Variants in ADAM33 observed in about 807,000 individuals in gnomAD.
The protein encoded by ADAM33 is ADAM metallopeptidase domain 33.
In ADAM33, 103 loss-of-function variants were observed where a neutral mutation model predicts 106.2. The ratio of observed to expected loss-of-function variants is 0.97; its 90% CI spans 0.83 to 1.14. The LOEUF (loss-of-function observed/expected upper bound fraction) is 1.14, where lower values mean the gene tolerates loss of function less well. ADAM33 is among the 50% of genes most tolerant of loss of function. ADAM33 has a pLI of 0.00. For synonymous variants in ADAM33, 483 were observed against 453.0 expected, an observed-to-expected ratio of 1.07 and a Z score of -0.84; for missense variants, 1,120 against 1,096.6, an observed-to-expected ratio of 1.02 and a Z score of -0.30.
chr20:3,673,756 C>T lies in ADAM33; in HGVS notation c.894G>A (p.Ala298=), dbSNP rs1296295521. The T allele has an allele frequency of 6.6e-7, 1 of 1,519,322 alleles. No individual in the cohort carries two copies. Among genetic ancestry groups the T allele is most frequent in the South Asian group, 1.2e-5 (1 of 82,352 alleles). 94.1% of individuals were successfully genotyped at this position (1,519,322 alleles called of 1,614,324 possible). A position where few individuals can be genotyped will look rare whatever the true frequency, so the allele number is the denominator to read the frequency against. The change falls in exon 9 of 22, where the codon GCG becomes GCA. Residue 298 remains alanine, a synonymous_variant. Coordinates refer to ENST00000356518, the MANE Select transcript of ADAM33 (RefSeq NM_025220.5). ...GLWAQRPHDS[A]QLLTGRAFQG... is the part of the protein sequence containing the mutation. Reference sequence around the variant, plus strand: ...TCAGAGGCACCCACGTGAGCAGCTGCGCGGAGTCGTGGGGCCGCTGCGCCC... The same window carrying T: ...TCAGAGGCACCCACGTGAGCAGCTGTGCGGAGTCGTGGGGCCGCTGCGCCC...
At chr20:3,680,905 TG>T (rs1214766016) in intron 1 of ADAM33, among the ~76,000 whole-genome samples, 1 of 152,026 alleles carries the variant, frequency 6.6e-6, no homozygotes, top group Non-Finnish European at 1.5e-5. Context: ...ACCGGGTGAA[TG>T]GGGGTGGAAC....
Position 3,671,861 on chromosome 20 carries a change from C to T in ADAM33, c.1706+16G>A. On this transcript the variant is annotated intron_variant, in intron 15 of 21. Transcript: ENST00000356518. ...CTCCATAGCTTCTGCTCCCTCCACT[C>T]AGCTCCACTCCCTACCTCCCTGCAC... 1 of 1,551,800 alleles carries T rather than the reference C, an allele frequency of 6.4e-7. No individual in the cohort carries two copies. The highest frequency in any genetic ancestry group is 8.7e-7 in the Non-Finnish European group (1 of 1,147,084).
chr20:3,678,584 C>T (rs1442700582), intron 2 of ADAM33, among the ~76,000 whole-genome samples: 1 of 152,198 alleles, frequency 6.6e-6, no homozygotes, highest in African/African-American at 2.4e-5. Flanking sequence ...TCTCTGGGGG[C>T]CTCTCAGCCT....
At chr20:3,669,991 G>C (rs934787808) in intron 19 of ADAM33, 3 of 452,320 alleles carry the variant, frequency 6.6e-6, no homozygotes, top group African/African-American at 4.0e-5. Context: ...CCTTGCCCCT[G>C]GGTGCCCTGC....
chr20:3,671,539 G>T (rs12481140), intron 16 of ADAM33, 42 bp downstream of exon 16: 2 of 1,610,486 alleles, frequency 1.2e-6, no homozygotes, highest in Admixed American at 1.7e-5. Context: ...ACTGGCCTGC[G>T]GGATTCAAAC....
intron 1 of ADAM33, among the ~76,000 whole-genome samples, chr20:3,681,199 C>T (rs2088462473): frequency 6.6e-6 from 1 of 152,226 alleles, no homozygotes; most frequent in South Asian, 2.1e-4. Flanking sequence ...CTGGCTAATC[C>T]TCCCACCCGC....
chr20:3,672,284 C>A lies in ADAM33; in HGVS notation c.1447G>T (p.Asp483Tyr). 1 of 1,613,322 alleles carries A rather than the reference C, an allele frequency of 6.2e-7. No homozygotes were observed. The highest frequency in any genetic ancestry group is 1.1e-5 in the South Asian group (1 of 91,078). The change falls in exon 14 of 22, where the codon GAC becomes TAC. Residue 483 changes from aspartate (D) to tyrosine (Y), a missense_variant. Physicochemically the swap from Asp to Tyr is radical, Grantham distance 160. Coordinates refer to ENST00000356518, the MANE Select transcript of ADAM33 (RefSeq NM_025220.5). ...GTGCCCGTGCAAAACTCAGGGAGGT[C>A]ACAGTCACCCATGGCCTGGCGGCAC... The part of the protein sequence containing the change: ...ALCRQAMGDC[D>Y]LPEFCTGTSS...
chr20:3,673,185 T>C (rs967186897), intron 11 of ADAM33, 169 bp downstream of exon 11: 2 of 1,521,318 alleles, frequency 1.3e-6, no homozygotes, highest in Non-Finnish European at 1.8e-6. Context: ...GAGAATCCAC[T>C]TTGCCTGAGC....
intron 2 of ADAM33, among the ~76,000 whole-genome samples, chr20:3,677,824 C>A (rs1247982312): frequency 2.0e-5 from 3 of 152,254 alleles, no homozygotes. Context: ...CTCCTTCCCC[C>A]ACCCTCTTGG....
At chr20:3,678,206 C>T (rs1043836745) in intron 2 of ADAM33, among the ~76,000 whole-genome samples, 5 of 152,276 alleles carry the variant, frequency 3.3e-5, no homozygotes, top group African/African-American at 1.2e-4. Context: ...TATCTTTACT[C>T]TTGCCCTCCT....
chr20:3,678,779 C>T (rs1336698103), intron 2 of ADAM33, among the ~76,000 whole-genome samples: 1 of 152,250 alleles, frequency 6.6e-6, no homozygotes, highest in Non-Finnish European at 1.5e-5. Flanking sequence ...TCCCCAAGCT[C>T]TCTGGGCTTC....
chr20:3,672,728 G>T lies in ADAM33; in HGVS notation c.1304C>A (p.Pro435His). 1 of 1,577,646 alleles carries T rather than the reference G, an allele frequency of 6.3e-7. No homozygotes were observed. Among genetic ancestry groups the T allele is most frequent in the Non-Finnish European group, 8.6e-7 (1 of 1,160,928 alleles). ...CGGGCGAGCCGACTTAACCTGGCCA[G>T]GGCCGCAGTCACACTCCTCGCCCGC... ...VEAGEECDCG[P>H]GQECRDLCCF... Residue 435 changes from proline to histidine, a missense_variant, in exon 12 of 22, where the codon CCT becomes CAT. By Grantham distance (77) the Pro-to-His change is moderately conservative (BLOSUM62 -2). Transcript: ENST00000356518.
chr20:3,676,223 C>T (rs1286940802), intron 3 of ADAM33, among the ~76,000 whole-genome samples: 1 of 152,062 alleles, frequency 6.6e-6, no homozygotes, highest in Non-Finnish European at 1.5e-5. Context: ...GTCCCTTCCC[C>T]AGCTCAAAAT....
At position 3,668,335 on chromosome 20, in the gene ADAM33, GTCCCCCC is replaced by G. The variant is rs1698817595; in HGVS notation, c.*621_*627del. 6.5e-6 allele frequency: 1 copy of G among 153,178 alleles called. No individual in the cohort carries two copies. Among genetic ancestry groups the G allele is most frequent in the Non-Finnish European group, 1.5e-5 (1 of 68,740 alleles). The allele number at this position is 153,178 out of a possible 1,614,324, so 9.5% of individuals were successfully genotyped here. A position where few individuals can be genotyped will look rare whatever the true frequency, so the allele number is the denominator to read the frequency against. Reference sequence around the variant, plus strand: ...TATCTTTTCTTAAATGGTTCCCTCTGTCCCCCCGACACACACAGAATGGGGGAGAGGC... The same window carrying G: ...TATCTTTTCTTAAATGGTTCCCTCTGGACACACACAGAATGGGGGAGAGGC... On this transcript the variant is annotated 3_prime_UTR_variant, in exon 22 of 22. Transcript: ENST00000356518.
At chr20:3,673,022 C>T in intron 11 of ADAM33, 124 bp from the exon 12 acceptor site, 5 of 1,435,284 alleles carry the variant, frequency 3.5e-6, no homozygotes, top group Non-Finnish European at 4.5e-6. Context: ...GGGGAAGTAA[C>T]CCGCGCAAAG....
At chr20:3,672,395 G>A in intron 13 of ADAM33, 66 bp from the exon 14 acceptor site, 1 of 1,584,740 alleles carries the variant, frequency 6.3e-7, no homozygotes. Flanking sequence ...TCCATGCCGA[G>A]AGCGCGGCTC....
intron 2 of ADAM33, among the ~76,000 whole-genome samples, chr20:3,678,014 G>A (rs1297452628): frequency 6.6e-6 from 1 of 152,240 alleles, no homozygotes; most frequent in Non-Finnish European, 1.5e-5. Flanking sequence ...GGGTCTCAGA[G>A]TCTTTGGAGG....
rs769683039 is a variant in ADAM33 at position 3,669,037 on chromosome 20, G to A, written c.2405-37C>T. ...GAGGATATGTTGTCCCCTAAGGACT[G>A]GGGCCCCAGGCTGCAAGCTGTGTGG... On this transcript the variant is annotated intron_variant, in intron 21 of 21. Coordinates refer to ENST00000356518, the MANE Select transcript of ADAM33 (RefSeq NM_025220.5). The A allele has an allele frequency of 1.9e-6, 3 of 1,612,344 alleles. No individual in the cohort carries two copies. In the South Asian group the frequency reaches 3.3e-5, roughly 18 times the overall value.
At position 3,677,950 on chromosome 20, in the gene ADAM33, T is replaced by G. The variant is rs551495849; in HGVS notation, c.178-807A>C. Among the ~76,000 whole-genome samples the G allele has an allele frequency of 3.3e-5, 5 of 152,326 alleles. No individual in the cohort carries two copies. In the East Asian group the frequency reaches 7.7e-4, roughly 24 times the overall value. On this transcript the variant is annotated intron_variant, in intron 2 of 21. Transcript: ENST00000356518. ...GGGAGGCTGCTGCGCCTTCGGAATG[T>G]TTAACCCCCGACTCCTTTTCTCCAA... is the stretch of plus-strand genomic sequence containing the variant.
Sources: gnomAD v4.1 joint callset for allele counts (sites outside exome capture counted in the v4.1 genomes callset) on GRCh38, gnomAD v4.1.1 for gene constraint, MANE v1.5 for transcripts, NCBI Gene and HGNC (gene_info 2026-07-23, HGNC 2026-07-21) for gene names.